Variants in CDH23 observed in about 807,000 individuals in gnomAD.
The protein encoded by CDH23 is cadherin-23.
In CDH23, 189 loss-of-function variants were observed where a neutral mutation model predicts 317.1. The observed-to-expected ratio is 0.60, with a 90% CI of 0.53 to 0.67. The LOEUF (loss-of-function observed/expected upper bound fraction) is 0.67. Ranked by LOEUF, CDH23 falls within the 30% of genes least tolerant of loss-of-function variation. The probability of loss-of-function intolerance (pLI) is 0.00; values close to 1 mark genes in which losing one functional copy is unlikely to be tolerated. For synonymous variants in CDH23, 1,839 were observed against 1,876.8 expected, an observed-to-expected ratio of 0.98 and a Z score of 0.52; for missense variants, 4,401 against 4,592.4, an observed-to-expected ratio of 0.96 and a Z score of 1.20.
At position 71,705,007 on chromosome 10, in the gene CDH23, A is replaced by G. The variant is rs188098974; in HGVS notation, c.2830A>G (p.Ser944Gly). 1,641 of 1,612,704 alleles carry G rather than the reference A, an allele frequency of 1.0e-3. 9 individuals carry two copies. The highest frequency in any genetic ancestry group is 3.0e-3 in the South Asian group (269 of 91,072). The change falls in exon 25 of 70, where the codon AGC becomes GGC. Residue 944 changes from serine (S) to glycine (G), a missense_variant. Coordinates refer to ENST00000224721, the MANE Select transcript of CDH23 (RefSeq NM_022124.6). ...CATGGACTTCCTCATCAACAGCAGC[A>G]GCGGCGTGGTGGTCACCACCACCGA... is the stretch of plus-strand genomic sequence containing the variant. ...PRMDFLINSSSGVVVTTTELD... is the reference protein window; with the variant it reads ...PRMDFLINSSGGVVVTTTELD...
chr10:71,549,864 G>A (rs991936366), intron 6 of CDH23, among the ~76,000 whole-genome samples: 1 of 152,222 alleles, frequency 6.6e-6, no homozygotes, highest in Non-Finnish European at 1.5e-5. Flanking sequence ...GACCCAGCTT[G>A]TGGGGCGGGG....
chr10:71,514,161 A>T (rs1037031566), intron 6 of CDH23, among the ~76,000 whole-genome samples: 9 of 152,148 alleles, frequency 5.9e-5, no homozygotes, highest in Non-Finnish European at 1.5e-5. Context: ...GCCATCTAGC[A>T]CTGCGTGTTG....
intron 11 of CDH23, among the ~76,000 whole-genome samples, chr10:71,623,916 C>T (rs997644077): frequency 6.6e-6 from 1 of 152,124 alleles, no homozygotes; most frequent in African/African-American, 2.4e-5. Flanking sequence ...GCAGAGAGAG[C>T]GCCCAAGCCA....
At chr10:71,672,448 C>A (rs561917026) in intron 14 of CDH23, among the ~76,000 whole-genome samples, 1 of 152,280 alleles carries the variant, frequency 6.6e-6, no homozygotes, top group South Asian at 2.1e-4. Flanking sequence ...CAAGGAGCAG[C>A]TTTTCATCTA....
chr10:71,399,769 C>T (rs1220494736), intron 1 of CDH23, among the ~76,000 whole-genome samples: 14 of 152,084 alleles, frequency 9.2e-5, no homozygotes. Flanking sequence ...TAATGAGACC[C>T]TGTCTCTAAA....
intron 6 of CDH23, among the ~76,000 whole-genome samples, chr10:71,533,698 A>C (rs751103810): frequency 1.3e-5 from 2 of 152,044 alleles, no homozygotes; most frequent in African/African-American, 2.4e-5. Flanking sequence ...CCTCTTTGGC[A>C]CTGGAGAGGT....
At chr10:71,655,712 T>C (rs1049439997) in intron 14 of CDH23, among the ~76,000 whole-genome samples, 1 of 151,912 alleles carries the variant, frequency 6.6e-6, no homozygotes, top group African/African-American at 2.4e-5. Flanking sequence ...GACTCCTACT[T>C]TGGTGTCTGG....
chr10:71,746,160 C>T (rs2132853915), intron 38 of CDH23, among the ~76,000 whole-genome samples: 1 of 152,348 alleles, frequency 6.6e-6, no homozygotes, highest in African/African-American at 2.4e-5. Context: ...AGAGCTGACA[C>T]TGTGATGTGG....
chr10:71,405,418 C>T (rs1469066668), intron 1 of CDH23, among the ~76,000 whole-genome samples: 1 of 150,286 alleles, frequency 6.7e-6, no homozygotes, highest in Admixed American at 6.6e-5. Context: ...GAGGGTGAGG[C>T]ATGGGTAGAC....
At chr10:71,677,379 TG>T in intron 15 of CDH23, 76 bp from the exon 16 acceptor site, 1 of 1,183,052 alleles carries the variant, frequency 8.5e-7, no homozygotes, top group African/African-American at 1.5e-5. Context: ...AAGGACAGGC[TG>T]GGAAATGCCG....
intron 9 of CDH23, among the ~76,000 whole-genome samples, chr10:71,584,702 G>C (rs141131231): frequency 6.6e-6 from 1 of 152,180 alleles, no homozygotes; most frequent in African/African-American, 2.4e-5. Flanking sequence ...ACCATCGTGC[G>C]AAACACTTCA....
chr10:71,696,169 T>G (rs997564245), intron 22 of CDH23, among the ~76,000 whole-genome samples: 3 of 152,098 alleles, frequency 2.0e-5, no homozygotes, highest in Non-Finnish European at 2.9e-5. Context: ...GAAGCCCAGG[T>G]CCCACCCCCA....
At position 71,667,191 on chromosome 10, in the gene CDH23, C is replaced by T. The variant is rs763411278; in HGVS notation, c.1450-7921C>T. ...CATTCCTGTGAGTGTGCGTGCGTGA[C>T]GGGAGTGTGGGCGCTGGTGAGGAGT... On this transcript the variant is annotated intron_variant, in intron 14 of 69. Transcript: ENST00000224721. Among the ~76,000 whole-genome samples, 14 of 152,014 alleles carry T rather than the reference C, an allele frequency of 9.2e-5. 1 individual carries two copies. Among genetic ancestry groups the T allele is most frequent in the Non-Finnish European group, 1.3e-4 (9 of 68,002 alleles).
chr10:71,403,657 C>T (rs1161043605), intron 1 of CDH23, among the ~76,000 whole-genome samples: 1 of 151,540 alleles, frequency 6.6e-6, no homozygotes, highest in Admixed American at 6.6e-5. Flanking sequence ...GCTGGGACTA[C>T]AGGTGCACAC....
At chr10:71,548,239 G>A (rs1281956778) in intron 6 of CDH23, among the ~76,000 whole-genome samples, 2 of 152,226 alleles carry the variant, frequency 1.3e-5, no homozygotes, top group East Asian at 3.9e-4. Context: ...ATCACACGCA[G>A]TCATGCGGGG....
At chr10:71,403,410 TTC>T (rs1214232985) in intron 1 of CDH23, among the ~76,000 whole-genome samples, 3 of 45,380 alleles carry the variant, frequency 6.6e-5, no homozygotes, top group African/African-American at 5.9e-4. Context: ...TTTCTTTCTC[TTC>T]CTTCCTTCCT....
Position 71,799,352 on chromosome 10 carries a change from C to T in CDH23, c.7224+72C>T, listed in dbSNP as rs1384196307. ...TTGGGGTCTTTGGGCATCTTCCTCTCCCACCCTGCCAGCCTCTAAGCCCCC... is the reference window on the plus strand; with the variant it reads ...TTGGGGTCTTTGGGCATCTTCCTCTTCCACCCTGCCAGCCTCTAAGCCCCC... On this transcript the variant is annotated intron_variant, in intron 51 of 69. Coordinates refer to ENST00000224721, the MANE Select transcript of CDH23 (RefSeq NM_022124.6). 1.9e-6 allele frequency: 3 copies of T among 1,607,536 alleles called. No individual in the cohort carries two copies. In the African/African-American group the frequency reaches 4.0e-5, roughly 21 times the overall value.
intron 16 of CDH23, among the ~76,000 whole-genome samples, chr10:71,678,552 G>A (rs935797886): frequency 3.3e-5 from 5 of 152,322 alleles, no homozygotes; most frequent in South Asian, 4.1e-4. Flanking sequence ...GGCAAGGCTG[G>A]AAGGGTGAGC....
At chr10:71,707,819 G>A (rs74147035) in intron 26 of CDH23, among the ~76,000 whole-genome samples, 3,161 of 152,164 alleles carry the variant, frequency 0.021, 121 homozygotes, top group African/African-American at 0.072. Context: ...TGTTGCCTCT[G>A]CATATGTGTG....
Sources: gnomAD v4.1 joint callset for allele counts (sites outside exome capture counted in the v4.1 genomes callset) on GRCh38, gnomAD v4.1.1 for gene constraint, MANE v1.5 for transcripts, NCBI Gene and HGNC (gene_info 2026-07-23, HGNC 2026-07-21) for gene names.